The following ADAR variants were observed in gnomAD, a reference collection of about 807,000 sequenced individuals.
The protein encoded by ADAR is double-stranded RNA-specific adenosine deaminase.
A neutral mutation model predicts 113.2 loss-of-function variants in ADAR; 41 were observed. The observed-to-expected ratio is 0.36, with a 90% confidence interval of 0.28 to 0.47. The LOEUF is 0.47. Among genes scored for constraint, ADAR ranks in the 20% least tolerant of loss-of-function variants. ADAR has a pLI of 1.00. For synonymous variants in ADAR, 605 were observed against 572.6 expected, an observed-to-expected ratio of 1.06 and a Z score of -0.81; for missense variants, 1,242 against 1,540.9, an observed-to-expected ratio of 0.81 and a Z score of 3.25.
chr1:154,613,809 C>T (rs1162064097), intron 1 of ADAR, among the ~76,000 whole-genome samples: 1 of 150,706 alleles, frequency 6.6e-6, no homozygotes, highest in East Asian at 2.0e-4. Flanking sequence ...GAGGCTGAGG[C>T]AGGAGAATCA....
intron 6 of ADAR, among the ~76,000 whole-genome samples, chr1:154,592,940 A>C (rs1395669817): frequency 6.6e-6 from 1 of 152,030 alleles, no homozygotes; most frequent in Non-Finnish European, 1.5e-5. Flanking sequence ...GTTGAAGACC[A>C]GCCTGGCCAA....
chr1:154,597,194 G>A lies in ADAR; in HGVS notation c.2008C>T (p.Gln670Ter). 1.2e-6 allele frequency: 2 copies of A among 1,614,188 alleles called. No homozygotes were observed. The highest frequency in any genetic ancestry group is 1.7e-6 in the Non-Finnish European group (2 of 1,180,028). Residue 670 changes from glutamine to a stop codon, truncating the protein, a stop_gained, in exon 5 of 15, where the codon CAG becomes TAG. Transcript: ENST00000368474. LOFTEE classifies it high-confidence loss of function. ...VSAPSKKVAK[Q>*]MAAEEAMKAL... is the part of the protein sequence containing the mutation. The stretch of plus-strand genomic sequence containing the variant: ...TTCATGGCTTCCTCTGCGGCCATCT[G>A]CTTTGCCACTTTCTTGCTGGGAGCA...
chr1:154,620,236 G>A (rs1368751503), intron 1 of ADAR, among the ~76,000 whole-genome samples: 3 of 152,110 alleles, frequency 2.0e-5, no homozygotes, highest in Admixed American at 6.6e-5. Flanking sequence ...ATGAAACTCC[G>A]TCTCTATTAA....
chr1:154,585,294 C>T lies in ADAR; in HGVS notation c.3366G>A (p.Lys1122=), dbSNP rs369182324. Reference sequence around the variant, plus strand: ...CCAGACACCAGTTGACGCTTGTCTCCTTAGTCTTCCCGGATTGCCTTTTGG... The same window carrying T: ...CCAGACACCAGTTGACGCTTGTCTCTTTAGTCTTCCCGGATTGCCTTTTGG... ...YDSKRQSGKT[K]ETSVNWCLAD... is the part of the protein sequence containing the mutation. Residue 1122 remains lysine (K), a synonymous_variant, in exon 14 of 15, where the codon AAG becomes AAA. Transcript: ENST00000368474. The T allele has an allele frequency of 1.5e-5, 24 of 1,614,094 alleles. No individual in the cohort carries two copies. In the African/African-American group the frequency reaches 2.3e-4, roughly 15 times the overall value.
chr1:154,601,742 C>T lies in ADAR; in HGVS notation c.900G>A (p.Lys300=). ...PLEFLDMAEI[K]EKICDYLFNV... ...TGAAGAGATAGTCGCAGATTTTCTCCTTGATCTCGGCCATGTCTAAAAACT... is the reference window on the plus strand; with the variant it reads ...TGAAGAGATAGTCGCAGATTTTCTCTTTGATCTCGGCCATGTCTAAAAACT... Residue 300 remains lysine, a synonymous_variant, in exon 2 of 15, where the codon AAG becomes AAA. Transcript: ENST00000368474. The surrounding 1 kb of genome is among the most constrained non-coding windows in gnomAD (Gnocchi z 4.7). The T allele has an allele frequency of 6.2e-7, 1 of 1,614,218 alleles. No homozygotes were observed. Among genetic ancestry groups the T allele is most frequent in the South Asian group, 1.1e-5 (1 of 91,084 alleles).
At position 154,608,082 on chromosome 1, in the gene ADAR, C is replaced by T; in HGVS notation, c.-76G>A. 1 of 1,479,610 alleles carries T rather than the reference C, an allele frequency of 6.8e-7. No homozygotes were observed. The highest frequency in any genetic ancestry group is 8.9e-7 in the Non-Finnish European group (1 of 1,117,506). The allele number at this position is 1,479,610 out of a possible 1,614,324, so 91.7% of individuals were successfully genotyped here. A position where few individuals can be genotyped will look rare whatever the true frequency, so the allele number is the denominator to read the frequency against. Reference sequence around the variant, plus strand: ...CCCGACCGCTGGGCCGCGCCAGCCCCTCGAGGCCCCCACGCCTCCGCTACT... The same window carrying T: ...CCCGACCGCTGGGCCGCGCCAGCCCTTCGAGGCCCCCACGCCTCCGCTACT... On this transcript the variant is annotated 5_prime_UTR_variant, in exon 1 of 15. Coordinates refer to ENST00000368474, the MANE Select transcript of ADAR (RefSeq NM_001111.5).
chr1:154,597,828 T>G lies in ADAR; in HGVS notation c.1934A>C (p.Lys645Thr). Residue 645 changes from lysine to threonine, a missense_variant and splice_region_variant, in exon 4 of 15, where the codon AAG becomes ACG. Coordinates refer to ENST00000368474, the MANE Select transcript of ADAR (RefSeq NM_001111.5). ...TGGACAGAGGACACGTAGGACATAC[T>G]TGGGTTCATGGGCAGGGCCTTCTTT... ...LSKEGPAHEP[K>T]FQYCVAVGAQ... The G allele has an allele frequency of 1.2e-6, 2 of 1,614,114 alleles. No homozygotes were observed. The highest frequency in any genetic ancestry group is 1.3e-5 in the African/African-American group (1 of 75,018).
chr1:154,608,111 C>T lies in ADAR; in HGVS notation c.-105G>A. ...AGGCCCCCACGCCTCCGCTACTCCG[C>T]ACTGGAAGTGGCCCCGGGGCGTCGG... On this transcript the variant is annotated 5_prime_UTR_variant, in exon 1 of 15. Transcript: ENST00000368474. 1 of 1,391,686 alleles carries T rather than the reference C, an allele frequency of 7.2e-7. No individual in the cohort carries two copies. The allele number at this position is 1,391,686 out of a possible 1,614,324, so 86.2% of individuals were successfully genotyped here.
chr1:154,586,131 T>C, intron 12 of ADAR, 50 bp downstream of exon 12: 1 of 1,609,512 alleles, frequency 6.2e-7, no homozygotes, highest in Non-Finnish European at 8.5e-7. Context: ...GTTTGGGATC[T>C]GGGCACAAGA....
intron 2 of ADAR, chr1:154,600,744 T>A: frequency 2.3e-6 from 1 of 438,424 alleles, no homozygotes; most frequent in South Asian, 2.2e-5. Context: ...AGTGCTGGGA[T>A]TACAGGCATG....
intron 12 of ADAR, 128 bp downstream of exon 12, chr1:154,586,053 C>CT: frequency 7.6e-7 from 1 of 1,311,350 alleles, no homozygotes; most frequent in Non-Finnish European, 1.1e-6. Flanking sequence ...GACACTCAAT[C>CT]AATTACTGAG....
chr1:154,618,164 C>G (rs1274436372), intron 1 of ADAR, among the ~76,000 whole-genome samples: 2 of 148,858 alleles, frequency 1.3e-5, no homozygotes, highest in Non-Finnish European at 3.0e-5. Flanking sequence ...GTTTTATTTG[C>G]TATTAAGAAT....
upstream of ADAR, chr1:154,608,221 T>G (rs573780240): frequency 5.2e-6 from 3 of 573,808 alleles, no homozygotes; most frequent in Admixed American, 4.1e-5. Flanking sequence ...AGCCTTCCCC[T>G]CCGGAAAGTT....
intron 1 of ADAR, among the ~76,000 whole-genome samples, chr1:154,620,360 C>G (rs1051111514): frequency 6.6e-6 from 1 of 151,636 alleles, no homozygotes; most frequent in Non-Finnish European, 1.5e-5. Flanking sequence ...GAGCCAAGAT[C>G]GTGCCACTGC....
At chr1:154,586,892 C>T (rs575255439) in intron 11 of ADAR, among the ~76,000 whole-genome samples, 50 of 151,844 alleles carry the variant, frequency 3.3e-4, no homozygotes, top group African/African-American at 1.2e-3. Context: ...GAGAGGAGGC[C>T]GGGTGATCAC....
intron 1 of ADAR, among the ~76,000 whole-genome samples, chr1:154,624,707 T>C (rs190966673): frequency 3.9e-5 from 6 of 152,304 alleles, no homozygotes; most frequent in Non-Finnish European, 5.9e-5. Context: ...CATCCAGTGT[T>C]CTCCAGAAAA....
upstream of ADAR, chr1:154,608,242 G>A: frequency 1.9e-6 from 1 of 529,320 alleles, no homozygotes; most frequent in Non-Finnish European, 3.3e-6. Flanking sequence ...TGGCCAAGAG[G>A]AGGGGCTTGA....
chr1:154,602,689 C>A (rs1295822318), intron 1 of ADAR, 63 bp from the exon 2 acceptor site: 5 of 1,589,710 alleles, frequency 3.1e-6, no homozygotes, highest in Non-Finnish European at 4.3e-6. Context: ...CCTGTGGAGG[C>A]CCCTCCCTTT....
Position 154,585,215 on chromosome 1 carries a change from AC to A in ADAR, c.3443+1del. The stretch of plus-strand genomic sequence containing the variant: ...CCTCACTGCGCTCTCCTGTCTCCTT[AC>A]CCATCCACAGTGCCTCTGGTACCGT... On this transcript the variant is annotated splice_donor_variant, in intron 14 of 14. Coordinates refer to ENST00000368474, the MANE Select transcript of ADAR (RefSeq NM_001111.5). LOFTEE classifies it high-confidence loss of function. The A allele has an allele frequency of 1.9e-6, 3 of 1,614,016 alleles. No individual in the cohort carries two copies. The highest frequency in any genetic ancestry group is 2.5e-6 in the Non-Finnish European group (3 of 1,179,992).
Sources: allele counts gnomAD v4.1 joint callset (sites outside exome capture counted in the v4.1 genomes callset), GRCh38; gene constraint gnomAD v4.1.1; non-coding constraint Gnocchi (gnomAD v3.1); transcripts MANE v1.5; gene names NCBI Gene and HGNC (gene_info 2026-07-23, HGNC 2026-07-21).